Variants in TBC1D22A observed in about 807,000 individuals in gnomAD.
TBC1D22A encodes the protein putative GTPase activator.
In TBC1D22A, 38 loss-of-function variants were observed where a neutral mutation model predicts 60.2. The ratio of observed to expected loss-of-function variants is 0.63; its 90% CI spans 0.49 to 0.83. The LOEUF is 0.83. TBC1D22A is among the 40% of genes least tolerant of loss of function. The pLI, the probability that TBC1D22A is intolerant of heterozygous loss-of-function variation, is 0.00. For missense variants in TBC1D22A, 628 were observed against 701.0 expected (o/e 0.90, Z 1.18); for synonymous variants, 302 against 281.7 (o/e 1.07, Z -0.72).
At chr22:46,956,090 T>G (rs1347385490) in intron 8 of TBC1D22A, among the ~76,000 whole-genome samples, 1 of 152,188 alleles carries the variant, frequency 6.6e-6, no homozygotes, top group Non-Finnish European at 1.5e-5. Flanking sequence ...TCATATTTAG[T>G]CTCAATTCTG....
At chr22:47,000,551 T>A (rs1157769690) in intron 10 of TBC1D22A, among the ~76,000 whole-genome samples, 1 of 152,114 alleles carries the variant, frequency 6.6e-6, no homozygotes, top group Non-Finnish European at 1.5e-5. Flanking sequence ...GAAAGGAGGA[T>A]GGGCGGCAGC....
intron 11 of TBC1D22A, among the ~76,000 whole-genome samples, chr22:47,043,974 G>GTT (rs2062935431): frequency 1.3e-5 from 2 of 152,342 alleles, no homozygotes; most frequent in East Asian, 1.9e-4. Context: ...GAGCGGGGCA[G>GTT]GTGCTGGGGA....
rs958888652 is a variant in TBC1D22A at position 47,017,466 on chromosome 22, G to A, written c.1202-19605G>A. ...ACCTGGAGCTGGGCGTTGGGCAGGC[G>A]CCATGATGGGGTTGGCGGCAGAATG... On this transcript the variant is annotated intron_variant, in intron 10 of 12. Coordinates refer to ENST00000337137, the MANE Select transcript of TBC1D22A (RefSeq NM_014346.5). Among the ~76,000 whole-genome samples the A allele has an allele frequency of 3.3e-5, 5 of 152,122 alleles. No homozygotes were observed. In the East Asian group the frequency reaches 9.7e-4, roughly 29 times the overall value.
At chr22:47,082,378 T>C (rs888215603) in intron 11 of TBC1D22A, among the ~76,000 whole-genome samples, 4 of 151,072 alleles carry the variant, frequency 2.6e-5, no homozygotes, top group Admixed American at 1.3e-4. Flanking sequence ...GCGGCAGTTA[T>C]CAGGACAGCG....
chr22:46,930,471 AT>A (rs1285544205), intron 8 of TBC1D22A, among the ~76,000 whole-genome samples: 5 of 151,940 alleles, frequency 3.3e-5, no homozygotes, highest in Admixed American at 2.6e-4. Context: ...TTATTTACTT[AT>A]TTAGACGGAG....
At chr22:47,130,892 A>G (rs2066656535) in intron 12 of TBC1D22A, among the ~76,000 whole-genome samples, 2 of 152,200 alleles carry the variant, frequency 1.3e-5, no homozygotes, top group South Asian at 4.1e-4. Context: ...TAATTTATAA[A>G]GGAAAGAGGT....
chr22:47,082,030 T>A (rs1041629735), intron 11 of TBC1D22A, among the ~76,000 whole-genome samples: 2 of 152,114 alleles, frequency 1.3e-5, no homozygotes, highest in Non-Finnish European at 2.9e-5. Flanking sequence ...TGGTGACGCA[T>A]GCCTGTAGTC....
At chr22:47,092,126 A>G (rs907804919) in intron 11 of TBC1D22A, among the ~76,000 whole-genome samples, 2 of 152,164 alleles carry the variant, frequency 1.3e-5, no homozygotes, top group African/African-American at 4.8e-5. Flanking sequence ...TCTTTCCACA[A>G]GAACAGAAGA....
intron 11 of TBC1D22A, among the ~76,000 whole-genome samples, chr22:47,104,149 A>G (rs971428304): frequency 2.0e-5 from 3 of 152,020 alleles, no homozygotes; most frequent in Admixed American, 2.0e-4. Context: ...TGCTAAAAAT[A>G]TAAAAAATTA....
chr22:46,857,792 C>G (rs1240240884), intron 4 of TBC1D22A, among the ~76,000 whole-genome samples: 1 of 152,152 alleles, frequency 6.6e-6, no homozygotes, highest in African/African-American at 2.4e-5. Flanking sequence ...CAAGGCTCAT[C>G]CGGGTTGGAG....
intron 4 of TBC1D22A, among the ~76,000 whole-genome samples, chr22:46,854,497 G>T (rs1451301944): frequency 6.6e-6 from 1 of 152,000 alleles, no homozygotes; most frequent in Non-Finnish European, 1.5e-5. Context: ...TGTCATTTTG[G>T]CCTTTCTTTT....
intron 12 of TBC1D22A, among the ~76,000 whole-genome samples, chr22:47,139,216 G>A (rs2066990830): frequency 6.6e-6 from 1 of 152,192 alleles, no homozygotes; most frequent in Non-Finnish European, 1.5e-5. Context: ...GACCAGTCAG[G>A]CACAGAACAC....
At chr22:47,001,796 G>A (rs370207830) in intron 10 of TBC1D22A, among the ~76,000 whole-genome samples, 8 of 152,202 alleles carry the variant, frequency 5.3e-5, no homozygotes, top group African/African-American at 1.9e-4. Context: ...CTCGAAACAA[G>A]GCTCATGGCT....
intron 4 of TBC1D22A, among the ~76,000 whole-genome samples, chr22:46,840,941 C>G (rs1020802244): frequency 6.6e-6 from 1 of 152,000 alleles, no homozygotes; most frequent in Non-Finnish European, 1.5e-5. Context: ...GTCAGTGCCT[C>G]GTAGAGGATA....
intron 10 of TBC1D22A, among the ~76,000 whole-genome samples, chr22:47,000,459 A>C (rs1215030033): frequency 6.6e-6 from 1 of 152,212 alleles, no homozygotes; most frequent in East Asian, 1.9e-4. Context: ...TCATCCCTAA[A>C]CCTTTAGTAA....
chr22:47,033,566 G>A (rs1209001476), intron 10 of TBC1D22A, among the ~76,000 whole-genome samples: 1 of 152,148 alleles, frequency 6.6e-6, no homozygotes, highest in Admixed American at 6.5e-5. Flanking sequence ...ACCCCAGGGT[G>A]GGCAGGCACC....
At chr22:46,810,756 T>G (rs1436721935) in intron 4 of TBC1D22A, among the ~76,000 whole-genome samples, 1 of 152,174 alleles carries the variant, frequency 6.6e-6, no homozygotes, top group Non-Finnish European at 1.5e-5. Flanking sequence ...AATTACATAA[T>G]TGGCGAGTTC....
chr22:47,008,759 G>T (rs1266900392), intron 10 of TBC1D22A, among the ~76,000 whole-genome samples: 3 of 152,210 alleles, frequency 2.0e-5, no homozygotes, highest in African/African-American at 7.2e-5. Context: ...CATTGAGAGA[G>T]GCAGGAGAGC....
chr22:47,118,501 T>C (rs966890639), intron 12 of TBC1D22A, among the ~76,000 whole-genome samples: 1 of 152,178 alleles, frequency 6.6e-6, no homozygotes, highest in African/African-American at 2.4e-5. Flanking sequence ...TGCAAACAGA[T>C]TCAAAGATGC....
Sources: gnomAD v4.1 joint callset for allele counts (sites outside exome capture counted in the v4.1 genomes callset) on GRCh38, gnomAD v4.1.1 for gene constraint, MANE v1.5 for transcripts, NCBI Gene and HGNC (gene_info 2026-07-23, HGNC 2026-07-21) for gene names.